The following KCNK2 variants were observed in gnomAD, a reference collection of about 807,000 sequenced individuals.
The protein encoded by KCNK2 is potassium two pore domain channel subfamily K member 2.
A neutral mutation model predicts 40.5 loss-of-function variants in KCNK2; 21 were observed. That is an observed-to-expected ratio of 0.52 (90% CI 0.37 to 0.75). KCNK2 has a LOEUF of 0.75. Ranked by LOEUF, KCNK2 falls within the 30% of genes least tolerant of loss-of-function variation. The pLI is 0.00. For missense variants in KCNK2, 399 were observed against 531.6 expected (o/e 0.75, Z 2.45); for synonymous variants, 191 against 202.2 (o/e 0.94, Z 0.47).
chr1:215,118,380 G>A (rs1661040414), intron 2 of KCNK2, among the ~76,000 whole-genome samples: 1 of 152,072 alleles, frequency 6.6e-6, no homozygotes, highest in African/African-American at 2.4e-5. Flanking sequence ...AAAGTCTTTT[G>A]GCAATGAGAG....
At chr1:215,069,356 G>A (rs1318455033) in intron 1 of KCNK2, among the ~76,000 whole-genome samples, 1 of 152,176 alleles carries the variant, frequency 6.6e-6, no homozygotes, top group African/African-American at 2.4e-5. Context: ...GAACAGAGGG[G>A]CTGGAATTTG....
chr1:215,233,011 GCCTT>G (rs1666733797), intron 6 of KCNK2, among the ~76,000 whole-genome samples: 1 of 152,158 alleles, frequency 6.6e-6, no homozygotes, highest in Non-Finnish European at 1.5e-5. Flanking sequence ...TACTGCCTAT[GCCTT>G]CCTAACCTGG....
intron 2 of KCNK2, among the ~76,000 whole-genome samples, chr1:215,092,054 T>A (rs1441933671): frequency 6.6e-6 from 1 of 151,980 alleles, no homozygotes; most frequent in Non-Finnish European, 1.5e-5. Context: ...CTGGCTGTGG[T>A]GTTGAAAATA....
At chr1:215,048,699 A>G (rs1657873644) in intron 1 of KCNK2, among the ~76,000 whole-genome samples, 1 of 152,164 alleles carries the variant, frequency 6.6e-6, no homozygotes, top group African/African-American at 2.4e-5. Context: ...CTTACCATTG[A>G]GTGCTCAACC....
At chr1:215,214,238 G>A (rs1051059148) in intron 6 of KCNK2, among the ~76,000 whole-genome samples, 2 of 152,104 alleles carry the variant, frequency 1.3e-5, no homozygotes, top group Non-Finnish European at 2.9e-5. Context: ...AGGCTAAGGA[G>A]AGGCAGGCAT....
chr1:215,007,099 GTA>G (rs1248624200), intron 1 of KCNK2, among the ~76,000 whole-genome samples: 15 of 104,240 alleles, frequency 1.4e-4, no homozygotes, highest in African/African-American at 4.8e-4. Context: ...ATATATATAT[GTA>G]TATATATGTG....
intron 1 of KCNK2, among the ~76,000 whole-genome samples, chr1:215,071,130 G>C (rs1034451100): frequency 6.6e-6 from 1 of 152,108 alleles, no homozygotes; most frequent in African/African-American, 2.4e-5. Context: ...GAGTTTCCAT[G>C]CTGGTTCCAA....
chr1:215,175,935 A>G (rs1199653109), intron 5 of KCNK2, among the ~76,000 whole-genome samples: 2 of 152,068 alleles, frequency 1.3e-5, no homozygotes, highest in South Asian at 2.1e-4. Flanking sequence ...TGCCTTGGCT[A>G]TTGTGAATAG....
chr1:215,164,340 A>T (rs565418776), intron 3 of KCNK2, among the ~76,000 whole-genome samples: 4 of 151,992 alleles, frequency 2.6e-5, no homozygotes, highest in African/African-American at 9.7e-5. Context: ...CTAGTGGTCT[A>T]TTTAGTTAAT....
intron 2 of KCNK2, among the ~76,000 whole-genome samples, chr1:215,097,425 T>C (rs1342691866): frequency 2.0e-5 from 3 of 151,612 alleles, no homozygotes; most frequent in Non-Finnish European, 4.4e-5. Flanking sequence ...TTTCCTTTTT[T>C]TCTTAAAAAA....
intron 5 of KCNK2, among the ~76,000 whole-genome samples, chr1:215,179,735 T>C (rs755791470): frequency 6.6e-6 from 1 of 152,162 alleles, no homozygotes; most frequent in Non-Finnish European, 1.5e-5. Flanking sequence ...ATGGTTGGTA[T>C]GCTTTTAATT....
intron 1 of KCNK2, among the ~76,000 whole-genome samples, chr1:215,045,077 C>G (rs1049513298): frequency 3.3e-5 from 5 of 151,844 alleles, no homozygotes; most frequent in African/African-American, 1.2e-4. Context: ...CAGCTTACTC[C>G]TGAGGCTGAG....
rs1370526233 is a variant in KCNK2 at position 215,191,246 on chromosome 1, T to C, written c.824-3707T>C. Among the ~76,000 whole-genome samples the C allele has an allele frequency of 2.0e-5, 3 of 149,984 alleles. No individual in the cohort carries two copies. In the Admixed American group the frequency reaches 2.0e-4, roughly 10 times the overall value. ...GTTGCAGTGAGCCGAAATGCACCAC[T>C]GCACTCTTGCCTGGGTGACAGAGTG... On this transcript the variant is annotated intron_variant, in intron 5 of 6. Transcript: ENST00000444842.
intron 1 of KCNK2, among the ~76,000 whole-genome samples, chr1:215,060,382 G>C (rs1249389466): frequency 6.6e-6 from 1 of 152,168 alleles, no homozygotes; most frequent in Non-Finnish European, 1.5e-5. Context: ...CTGCCACCAA[G>C]AGATGAGGTA....
rs781109841 is a variant in KCNK2, at chr1:215,086,420, G to T, written c.99G>T (p.Pro33=). The T allele has an allele frequency of 1.2e-6, 2 of 1,614,030 alleles. No individual in the cohort carries two copies. The highest frequency in any genetic ancestry group is 1.3e-5 in the African/African-American group (1 of 74,900). ...AATCTGCCGCTCAGAACTCCAAACC[G>T]AGGCTCTCGTTTTCCACGAAACCCA... is the stretch of plus-strand genomic sequence containing the variant. ...DPKSAAQNSK[P]RLSFSTKPTV... Residue 33 remains proline, a synonymous_variant, in exon 2 of 7, where the codon CCG becomes CCT. Transcript: ENST00000444842.
intron 2 of KCNK2, among the ~76,000 whole-genome samples, chr1:215,092,774 G>T (rs7513337): frequency 3.2e-3 from 492 of 152,256 alleles, no homozygotes; most frequent in African/African-American, 0.012. Context: ...AAGACCAGGT[G>T]CAAATCATCC....
chr1:215,130,857 A>T (rs868014029), intron 3 of KCNK2, among the ~76,000 whole-genome samples: 1 of 124,962 alleles, frequency 8.0e-6, no homozygotes, highest in African/African-American at 5.9e-5. Context: ...TTTTATTTTT[A>T]TTTATTTATT....
chr1:215,017,555 G>T (rs953009474), intron 1 of KCNK2, among the ~76,000 whole-genome samples: 1 of 152,098 alleles, frequency 6.6e-6, no homozygotes, highest in African/African-American at 2.4e-5. Context: ...CATAGAAGCA[G>T]AAAATAGAAT....
intron 3 of KCNK2, among the ~76,000 whole-genome samples, chr1:215,161,447 T>A (rs972387453): frequency 3.3e-5 from 5 of 151,922 alleles, no homozygotes; most frequent in Non-Finnish European, 1.5e-5. Context: ...TACTTTAAGC[T>A]CTGGGATACA....
Sources: gnomAD v4.1 joint callset for allele counts (sites outside exome capture counted in the v4.1 genomes callset) on GRCh38, gnomAD v4.1.1 for gene constraint, MANE v1.5 for transcripts, NCBI Gene and HGNC (gene_info 2026-07-23, HGNC 2026-07-21) for gene names.